The following POU6F2 variants were observed in gnomAD, a reference collection of about 807,000 sequenced individuals.
POU6F2 encodes the protein POU class 6 homeobox 2.
In POU6F2, 31 loss-of-function variants were observed where a neutral mutation model predicts 71.3. The ratio of observed to expected loss-of-function variants is 0.43; its 90% CI spans 0.33 to 0.59. The LOEUF (loss-of-function observed/expected upper bound fraction) is 0.59. Among genes scored for constraint, POU6F2 ranks in the 20% least tolerant of loss-of-function variants. POU6F2 has a pLI of 0.04. For synonymous variants in POU6F2, 347 were observed against 355.7 expected (o/e 0.98, Z 0.27); for missense variants, 783 against 856.8 (o/e 0.91, Z 1.07).
chr7:39,449,194 G>A (rs956510020), intron 7 of POU6F2, among the ~76,000 whole-genome samples: 1 of 152,186 alleles, frequency 6.6e-6, no homozygotes, highest in Non-Finnish European at 1.5e-5. Context: ...GCACTATGGG[G>A]TGGGAGCCTG....
At chr7:39,327,952 G>C (rs889022002) in intron 4 of POU6F2, among the ~76,000 whole-genome samples, 4 of 151,824 alleles carry the variant, frequency 2.6e-5, no homozygotes, top group East Asian at 1.9e-4. Flanking sequence ...ACAGAGTCTT[G>C]CTCTGTCGCC....
intron 2 of POU6F2, among the ~76,000 whole-genome samples, chr7:39,125,472 G>A (rs1584555102): frequency 6.6e-6 from 1 of 151,908 alleles, no homozygotes; most frequent in South Asian, 2.1e-4. Context: ...TGCCTGATTC[G>A]CTGCCTTTTT....
chr7:39,178,536 A>G (rs1793374089), intron 2 of POU6F2, among the ~76,000 whole-genome samples: 2 of 152,156 alleles, frequency 1.3e-5, no homozygotes, highest in Non-Finnish European at 2.9e-5. Flanking sequence ...CTCAATTGGG[A>G]AGGATAGCCT....
intron 4 of POU6F2, among the ~76,000 whole-genome samples, chr7:39,263,662 C>T (rs10228416): frequency 0.52 from 78,267 of 149,656 alleles, 20,930 homozygotes; most frequent in Admixed American, 0.66. Context: ...TGCGTGTTCA[C>T]GCACACACAC....
chr7:39,465,016 A>G lies in POU6F2; in HGVS notation c.*330A>G, dbSNP rs1772497286. 4.2e-6 allele frequency: 1 copy of G among 236,390 alleles called. No individual in the cohort carries two copies. Among genetic ancestry groups the G allele is most frequent in the African/African-American group, 2.3e-5 (1 of 44,150 alleles). 14.6% of individuals were successfully genotyped at this position (236,390 alleles called of 1,614,324 possible). On this transcript the variant is annotated 3_prime_UTR_variant, in exon 10 of 10. Coordinates refer to ENST00000518318, the MANE Select transcript of POU6F2 (RefSeq NM_001370959.1). ...TTAATGGACTTAAAGCAAACCAAAT[A>G]ACCACGTACTTTTTTCTGTATATTA...
intron 1 of POU6F2, among the ~76,000 whole-genome samples, chr7:38,993,762 C>T (rs1005620508): frequency 1.3e-5 from 2 of 151,916 alleles, no homozygotes; most frequent in Non-Finnish European, 1.5e-5. Flanking sequence ...AATGCATCAA[C>T]GTAGCATTCC....
At chr7:39,244,232 G>A (rs1783779530) in intron 4 of POU6F2, among the ~76,000 whole-genome samples, 2 of 152,144 alleles carry the variant, frequency 1.3e-5, no homozygotes, top group African/African-American at 4.8e-5. Context: ...ATGTCTTTCT[G>A]AGGCATAGGC....
chr7:39,107,546 T>C (rs1791717160), intron 2 of POU6F2, among the ~76,000 whole-genome samples: 2 of 152,198 alleles, frequency 1.3e-5, no homozygotes, highest in Admixed American at 1.3e-4. Context: ...TATTATAGTA[T>C]TTTTGTAGTC....
intron 2 of POU6F2, among the ~76,000 whole-genome samples, chr7:39,120,229 C>A (rs1364583146): frequency 2.0e-5 from 3 of 152,120 alleles, no homozygotes; most frequent in Non-Finnish European, 4.4e-5. Context: ...GTCTCAAACT[C>A]CTGGGCTCAA....
intron 6 of POU6F2, among the ~76,000 whole-genome samples, chr7:39,426,146 G>A (rs1787965912): frequency 1.3e-5 from 2 of 152,292 alleles, no homozygotes; most frequent in South Asian, 4.1e-4. Flanking sequence ...GCTCCAGCTT[G>A]CTAGTGATGC....
At chr7:39,454,677 T>G (rs559582681) in intron 8 of POU6F2, among the ~76,000 whole-genome samples, 415 of 5,404 alleles carry the variant, frequency 0.077, 40 homozygotes, top group Non-Finnish European at 0.084. Context: ...TATATATATA[T>G]ATATATATAT....
intron 5 of POU6F2, among the ~76,000 whole-genome samples, chr7:39,378,870 G>A (rs1162301415): frequency 2.6e-5 from 4 of 152,188 alleles, no homozygotes; most frequent in Non-Finnish European, 5.9e-5. Flanking sequence ...ACAGAATTAT[G>A]TAGTTCTTTA....
At chr7:39,381,051 T>A (rs1248645786) in intron 5 of POU6F2, among the ~76,000 whole-genome samples, 1 of 151,672 alleles carries the variant, frequency 6.6e-6, no homozygotes, top group Non-Finnish European at 1.5e-5. Context: ...CTTCTCAGCC[T>A]TTTTTGTTTT....
chr7:39,097,679 G>C (rs1285622787), intron 2 of POU6F2, among the ~76,000 whole-genome samples: 1 of 152,206 alleles, frequency 6.6e-6, no homozygotes, highest in Non-Finnish European at 1.5e-5. Context: ...TTGAGCACCT[G>C]CTCTGTGGTA....
chr7:39,082,713 T>G (rs1289739349), intron 1 of POU6F2, among the ~76,000 whole-genome samples: 2 of 151,456 alleles, frequency 1.3e-5, no homozygotes, highest in Non-Finnish European at 2.9e-5. Context: ...CATTTTCAAA[T>G]GGACCCCCCA....
intron 4 of POU6F2, among the ~76,000 whole-genome samples, chr7:39,247,938 T>C (rs764943973): frequency 1.5e-3 from 234 of 152,304 alleles, no homozygotes; most frequent in Non-Finnish European, 1.9e-3. Flanking sequence ...GAGGTAGGTC[T>C]TTCCTGACAA....
intron 4 of POU6F2, among the ~76,000 whole-genome samples, chr7:39,208,907 G>C (rs896408587): frequency 6.6e-6 from 1 of 152,084 alleles, no homozygotes; most frequent in Non-Finnish European, 1.5e-5. Context: ...TCTTAATGAA[G>C]AAATGGGCAT....
intron 4 of POU6F2, among the ~76,000 whole-genome samples, chr7:39,253,260 G>T (rs965287113): frequency 6.6e-6 from 1 of 152,208 alleles, no homozygotes; most frequent in African/African-American, 2.4e-5. Flanking sequence ...GAATTTAGAT[G>T]TATCTCCTGC....
Position 39,347,903 on chromosome 7 carries a change from A to AT in POU6F2, c.972+7890dup, listed in dbSNP as rs751092153. Among the ~76,000 whole-genome samples, 28 of 143,754 alleles carry AT rather than the reference A, an allele frequency of 1.9e-4. 5 individuals are homozygous for AT. Among genetic ancestry groups the AT allele is most frequent in the Non-Finnish European group, 3.9e-4 (25 of 64,280 alleles). The allele number at this position is 143,754 out of a possible 152,430, so 94.3% of individuals were successfully genotyped here. On this transcript the variant is annotated intron_variant, in intron 5 of 9. Transcript: ENST00000518318. ...TGCCTCAGCCTTCCAAAGTGCTGGGATTATAGGTGTCAGCCACTGTGCCCA... is the reference window on the plus strand; with the variant it reads ...TGCCTCAGCCTTCCAAAGTGCTGGGATTTATAGGTGTCAGCCACTGTGCCCA...
Sources: gnomAD v4.1 joint callset for allele counts (sites outside exome capture counted in the v4.1 genomes callset) on GRCh38, gnomAD v4.1.1 for gene constraint, MANE v1.5 for transcripts, NCBI Gene and HGNC (gene_info 2026-07-23, HGNC 2026-07-21) for gene names.